Variants in RSPH10B observed in about 807,000 individuals in gnomAD.
RSPH10B encodes the protein radial spoke head 10 homolog B, also known as radial spoke head 10 homolog B (Chlamydomonas).
Under a neutral mutation model 52.5 loss-of-function variants are expected in RSPH10B, and 7 were observed. The ratio of observed to expected loss-of-function variants is 0.13; its 90% CI spans 0.08 to 0.25. The LOEUF (loss-of-function observed/expected upper bound fraction) is 0.25, where lower values mean the gene tolerates loss of function less well. RSPH10B is among the 10% of genes least tolerant of loss of function. The pLI, the probability that RSPH10B is intolerant of heterozygous loss-of-function variation, is 1.00. For synonymous variants in RSPH10B, 28 were observed against 193.2 expected (o/e 0.14, Z 7.09); for missense variants, 89 against 542.5 (o/e 0.16, Z 8.30).
chr7:5,927,066 G>GTGTGTGTGTATATA (rs1554284543), intron 18 of RSPH10B, among the ~76,000 whole-genome samples: 1 of 107,334 alleles, frequency 9.3e-6, no homozygotes. Context: ...GTGTGTGTGT[G>GTGTGTGTGTATATA]TATATGTGTG....
chr7:5,927,068 ATATGTGTGTGTGTGTGTGTGTG>A, intron 18 of RSPH10B, among the ~76,000 whole-genome samples: 2 of 54,904 alleles, frequency 3.6e-5, no homozygotes, highest in Middle Eastern at 0.021. Flanking sequence ...GTGTGTGTGT[ATATGTGTGTGTGTGTGTGTGTG>A]TGTGTGTATT....
At chr7:5,957,763 T>A (rs1562576867) in intron 6 of RSPH10B, 144 bp downstream of exon 8, 1 of 1,046,494 alleles carries the variant, frequency 9.6e-7, no homozygotes, top group African/African-American at 1.9e-5. Flanking sequence ...GCCAGTGCAC[T>A]CCAGCCTGGG....
chr7:5,943,734 TG>T (rs1318435707), intron 12 of RSPH10B, among the ~76,000 whole-genome samples, 176 bp downstream of exon 14: 4 of 150,890 alleles, frequency 2.7e-5, no homozygotes, highest in Non-Finnish European at 5.9e-5. Context: ...CTAGTAGAGA[TG>T]GGGTTTTGCC....
upstream of RSPH10B, among the ~76,000 whole-genome samples, chr7:5,968,651 C>A (rs548740070): frequency 1.5e-5 from 1 of 68,230 alleles, no homozygotes; most frequent in African/African-American, 4.7e-5. Flanking sequence ...GGACTACAGG[C>A]GCCCACCACC....
intron 11 of RSPH10B, among the ~76,000 whole-genome samples, 178 bp from the exon 14 acceptor site, chr7:5,944,168 G>A (rs1213707964): frequency 6.6e-6 from 1 of 151,130 alleles, no homozygotes; most frequent in Non-Finnish European, 1.5e-5. Flanking sequence ...AGGCCAAGGT[G>A]GGCGGATCAC....
At chr7:5,967,296 CAAAGTCTGAA>C, upstream of RSPH10B, 1 of 207,796 alleles carries the variant, frequency 4.8e-6, no homozygotes. Flanking sequence ...ATTCTCCTGA[CAAAGTCTGAA>C]AAATTAGTTA....
chr7:5,944,364 C>G (rs1780379772), intron 11 of RSPH10B, among the ~76,000 whole-genome samples: 1 of 150,660 alleles, frequency 6.6e-6, no homozygotes, highest in Admixed American at 6.7e-5. Context: ...CGCCACTGCA[C>G]TCCAGCCTGG....
intron 17 of RSPH10B, among the ~76,000 whole-genome samples, chr7:5,928,721 T>C (rs181579325): frequency 0.12 from 17,895 of 146,778 alleles, 343 homozygotes; most frequent in Middle Eastern, 0.18. Flanking sequence ...AACCTCCACC[T>C]CCTGGGTTCA....
At chr7:5,933,217 C>T (rs1779861817) in intron 16 of RSPH10B, among the ~76,000 whole-genome samples, 1 of 80,944 alleles carries the variant, frequency 1.2e-5, no homozygotes, top group African/African-American at 4.5e-5. Context: ...GGGGTTTCAC[C>T]ATATTGGCCA....
upstream of RSPH10B, among the ~76,000 whole-genome samples, chr7:5,968,684 AT>A (rs1201520268): frequency 1.5e-5 from 1 of 68,846 alleles, no homozygotes; most frequent in East Asian, 4.3e-4. Context: ...TTCTTTTTGT[AT>A]TTTTAGTAGA....
chr7:5,933,397 C>A (rs1748929903), intron 16 of RSPH10B, among the ~76,000 whole-genome samples: 1 of 103,366 alleles, frequency 9.7e-6, no homozygotes, highest in Non-Finnish European at 2.2e-5. Flanking sequence ...TACTGAAAGC[C>A]TCTCAAAAAA....
chr7:5,968,145 CT>C (rs1395489791), upstream of RSPH10B, among the ~76,000 whole-genome samples: 2 of 152,298 alleles, frequency 1.3e-5, no homozygotes, highest in African/African-American at 4.8e-5. Context: ...AGTCCCAGCA[CT>C]TTGGGAGGCC....
At chr7:5,943,439 T>C (rs11765019) in exon 13 of RSPH10B, 221,931 of 1,571,868 alleles carry the variant, frequency 0.14, 8,341 homozygotes, top group Admixed American at 0.29. Context: ...ACTCATAGAG[T>C]AGAGCGTCCG....
In RSPH10B at chr7:5,960,076, C is replaced by CA. The variant is rs1409910687; in HGVS notation, c.573+614dup. 2.2e-4 allele frequency among the ~76,000 whole-genome samples: 7 copies of CA among 32,262 alleles called. 1 individual carries two copies. The highest frequency in any genetic ancestry group is 1.8e-3 in the East Asian group (1 of 550). The allele number at this position is 32,262 out of a possible 152,430, so 21.2% of individuals were successfully genotyped here. A position where few individuals can be genotyped will look rare whatever the true frequency, so the allele number is the denominator to read the frequency against. ...ACACACACACACACACACACACACA[C>CA]ACAACAACAACAACAACACAACTCA... On this transcript the variant is annotated intron_variant, in intron 4 of 18. Coordinates refer to ENST00000337579, the Ensembl canonical transcript of RSPH10B.
At chr7:5,943,204 A>C (rs1334043771) in intron 13 of RSPH10B, 120 bp downstream of exon 15, 1 of 1,537,734 alleles carries the variant, frequency 6.5e-7, no homozygotes, top group East Asian at 2.3e-5. Context: ...AATGGTCCTG[A>C]AAATCCAGCC....
At position 5,927,054 on chromosome 7, in the gene RSPH10B, G is replaced by A. The variant is rs1200065743; in HGVS notation, c.2433-506C>T. ...GTGTGTGTGTGTGTGTGTATTATGT[G>A]TGTGTGTGTGTGTATATGTGTGTGT... is the stretch of plus-strand genomic sequence containing the variant. On this transcript the variant is annotated intron_variant, in intron 18 of 18. Coordinates refer to ENST00000337579, the Ensembl canonical transcript of RSPH10B. Among the ~76,000 whole-genome samples the A allele has an allele frequency of 4.7e-3, 360 of 77,002 alleles. 2 individuals carry two copies. Among genetic ancestry groups the A allele is most frequent in the African/African-American group, 0.018 (307 of 17,142 alleles). The allele number at this position is 77,002 out of a possible 152,430, so 50.5% of individuals were successfully genotyped here.
At chr7:5,968,836 TG>T (rs1328894574), upstream of RSPH10B, among the ~76,000 whole-genome samples, 19 of 58,022 alleles carry the variant, frequency 3.3e-4, no homozygotes, top group African/African-American at 8.4e-4. Context: ...TTTTTGGGTT[TG>T]TTTTTTTTTT....
At chr7:5,931,258 A>G (rs1779748513) in intron 17 of RSPH10B, among the ~76,000 whole-genome samples, 1 of 149,768 alleles carries the variant, frequency 6.7e-6, no homozygotes, top group Non-Finnish European at 1.5e-5. Context: ...CTAACTGGGC[A>G]TATGCAGCAC....
intron 3 of RSPH10B, among the ~76,000 whole-genome samples, chr7:5,961,250 G>A (rs1310508587): frequency 7.1e-6 from 1 of 140,880 alleles, no homozygotes; most frequent in Non-Finnish European, 1.6e-5. Flanking sequence ...CACTTTGGGA[G>A]ACTGAGGCGG....
Sources: gnomAD v4.1 joint callset for allele counts (sites outside exome capture counted in the v4.1 genomes callset) on GRCh38, gnomAD v4.1.1 for gene constraint, MANE v1.5 for transcripts, NCBI Gene and HGNC (gene_info 2026-07-23, HGNC 2026-07-21) for gene names.